Variants in PUM1 observed in about 807,000 individuals in gnomAD.
PUM1 encodes the protein pumilio RNA binding family member 1.
A neutral mutation model predicts 131.8 loss-of-function variants in PUM1; 13 were observed. The ratio of observed to expected loss-of-function variants is 0.10; its 90% CI spans 0.06 to 0.16. The LOEUF (loss-of-function observed/expected upper bound fraction) is 0.16. Ranked by LOEUF, PUM1 falls within the 10% of genes least tolerant of loss-of-function variation. PUM1 has a pLI of 1.00. For missense variants in PUM1, 961 were observed against 1,512.4 expected (o/e 0.64, Z 6.05); for synonymous variants, 509 against 556.5 (o/e 0.91, Z 1.20).
intron 5 of PUM1, 47 bp from the exon 6 acceptor site, chr1:30,995,267 A>G: frequency 6.2e-7 from 1 of 1,604,160 alleles, no homozygotes; most frequent in Non-Finnish European, 8.5e-7. Flanking sequence ...TCAACTAATA[A>G]TAACGGGCAA....
chr1:30,960,141 C>T (rs1640345497), intron 14 of PUM1, among the ~76,000 whole-genome samples: 1 of 152,158 alleles, frequency 6.6e-6, no homozygotes, highest in African/African-American at 2.4e-5. Context: ...TTAACACAGT[C>T]CAGGTTGAGT....
chr1:31,039,516 C>T (rs1036191263), intron 2 of PUM1, among the ~76,000 whole-genome samples: 9 of 152,166 alleles, frequency 5.9e-5, no homozygotes, highest in Admixed American at 3.3e-4. Flanking sequence ...AGCCACTGCA[C>T]CCAGCCTACC....
chr1:30,946,833 C>T (rs1639697649), intron 17 of PUM1, among the ~76,000 whole-genome samples: 1 of 151,942 alleles, frequency 6.6e-6, no homozygotes, highest in Non-Finnish European at 1.5e-5. Context: ...CACCTGAGCC[C>T]AGGAGTTTGA....
chr1:30,961,948 G>C (rs537533760), intron 14 of PUM1, among the ~76,000 whole-genome samples: 1 of 152,282 alleles, frequency 6.6e-6, no homozygotes, highest in South Asian at 2.1e-4. Context: ...AGCTATATTA[G>C]GTGTGGGCCA....
At chr1:31,003,637 A>C (rs1318237091) in intron 5 of PUM1, among the ~76,000 whole-genome samples, 1 of 152,098 alleles carries the variant, frequency 6.6e-6, no homozygotes, top group East Asian at 1.9e-4. Flanking sequence ...GGCATCTGTA[A>C]TCTCAGCTAC....
intron 16 of PUM1, among the ~76,000 whole-genome samples, chr1:30,951,553 TG>T (rs1639933988): frequency 6.6e-6 from 1 of 151,834 alleles, no homozygotes; most frequent in African/African-American, 2.4e-5. Context: ...CTCGAAGTTT[TG>T]TGCCATTCTG....
intron 9 of PUM1, among the ~76,000 whole-genome samples, chr1:30,979,400 T>C (rs778011427): frequency 3.3e-5 from 5 of 152,188 alleles, no homozygotes; most frequent in Non-Finnish European, 7.3e-5. Flanking sequence ...TGTAGAGACC[T>C]GTATGTATGA....
intron 3 of PUM1, among the ~76,000 whole-genome samples, chr1:31,027,560 T>C (rs1417704906): frequency 2.0e-5 from 3 of 152,110 alleles, no homozygotes; most frequent in African/African-American, 7.2e-5. Flanking sequence ...CCTAAAGCTC[T>C]AGGAGGAAAA....
chr1:30,945,182 C>T (rs1188738983), intron 18 of PUM1, among the ~76,000 whole-genome samples, 164 bp downstream of exon 18: 1 of 151,924 alleles, frequency 6.6e-6, no homozygotes, highest in Non-Finnish European at 1.5e-5. Context: ...TGTAGTGAGC[C>T]GTGATGGTGC....
intron 1 of PUM1, among the ~76,000 whole-genome samples, chr1:31,063,244 T>C (rs1644407302): frequency 6.6e-6 from 1 of 152,176 alleles, no homozygotes; most frequent in Non-Finnish European, 1.5e-5. Flanking sequence ...ACCTGTTTCC[T>C]CATCTAGAAA....
rs750465396 is a variant in PUM1, at chr1:30,953,912, G to A, written c.2393C>T (p.Ala798Val). ...GCTGAAGAGGCTGGAGGCGCTGCTTGCACTGCGGTACTTGGCTTCAGCGCC... is the reference window on the plus strand; with the variant it reads ...GCTGAAGAGGCTGGAGGCGCTGCTTACACTGCGGTACTTGGCTTCAGCGCC... Reference protein sequence around the residue: ...APGAEAKYRSASSASSLFSPS... With the variant: ...APGAEAKYRSVSSASSLFSPS... Residue 798 changes from alanine (A) to valine (V), a missense_variant, in exon 15 of 22, where the codon GCA becomes GTA. Transcript: ENST00000426105. The A allele has an allele frequency of 6.8e-6, 11 of 1,614,216 alleles. No individual in the cohort carries two copies. Among genetic ancestry groups the A allele is most frequent in the Admixed American group, 1.7e-5 (1 of 60,032 alleles).
chr1:31,043,481 A>G (rs895608453), intron 2 of PUM1, among the ~76,000 whole-genome samples: 2 of 152,024 alleles, frequency 1.3e-5, no homozygotes, highest in Non-Finnish European at 2.9e-5. Context: ...CAGCCTCCCA[A>G]ATTGCTGGGA....
At chr1:30,951,421 T>C (rs975094730) in intron 16 of PUM1, among the ~76,000 whole-genome samples, 4 of 152,190 alleles carry the variant, frequency 2.6e-5, no homozygotes, top group South Asian at 4.1e-4. Flanking sequence ...CTTGAGTACG[T>C]CAGTTTTTCA....
At chr1:30,959,899 T>A (rs1640335813) in intron 14 of PUM1, among the ~76,000 whole-genome samples, 1 of 138,520 alleles carries the variant, frequency 7.2e-6, no homozygotes, top group African/African-American at 2.7e-5. Flanking sequence ...AGACCAAGAC[T>A]CCAGCTCAAA....
intron 9 of PUM1, among the ~76,000 whole-genome samples, chr1:30,975,784 C>T (rs1273813644): frequency 6.6e-6 from 1 of 152,012 alleles, no homozygotes; most frequent in South Asian, 2.1e-4. Context: ...TGACTTGTTA[C>T]AGACCTGTTG....
intron 14 of PUM1, among the ~76,000 whole-genome samples, chr1:30,956,782 G>A (rs1431282879): frequency 1.3e-5 from 2 of 151,982 alleles, no homozygotes; most frequent in Non-Finnish European, 2.9e-5. Flanking sequence ...CAAAATGGAA[G>A]GTAAATTATA....
Position 30,932,991 on chromosome 1 carries a change from T to C in PUM1, c.*220A>G, listed in dbSNP as rs1639021822. ...TACACCAGTAAAACAGCAGGGCAAT[T>C]AGTCAATTAAAAAAAATAGTACATG... On this transcript the variant is annotated 3_prime_UTR_variant, in exon 22 of 22. Coordinates refer to ENST00000426105, the MANE Select transcript of PUM1 (RefSeq NM_001020658.2). 2.1e-6 allele frequency: 1 copy of C among 472,784 alleles called. No individual in the cohort carries two copies. Among genetic ancestry groups the C allele is most frequent in the Non-Finnish European group, 3.7e-6 (1 of 273,162 alleles). 29.3% of individuals were successfully genotyped at this position (472,784 alleles called of 1,614,324 possible).
chr1:31,032,047 A>G (rs1643449740), intron 2 of PUM1, among the ~76,000 whole-genome samples: 1 of 152,124 alleles, frequency 6.6e-6, no homozygotes, highest in Non-Finnish European at 1.5e-5. Flanking sequence ...TACCTCTTAC[A>G]GTCAATTGTT....
intron 9 of PUM1, among the ~76,000 whole-genome samples, chr1:30,975,352 T>G (rs972783053): frequency 1.4e-4 from 17 of 123,756 alleles, no homozygotes; most frequent in Non-Finnish European, 2.7e-4. Context: ...TGTTTGTTTT[T>G]TTTGTTTTTT....
Sources: gnomAD v4.1 joint callset for allele counts (sites outside exome capture counted in the v4.1 genomes callset) on GRCh38, gnomAD v4.1.1 for gene constraint, MANE v1.5 for transcripts, NCBI Gene and HGNC (gene_info 2026-07-23, HGNC 2026-07-21) for gene names.